Variants in IPO5 observed in about 807,000 individuals in gnomAD.
IPO5 encodes importin-5.
IPO5 carries 18 observed loss-of-function variants against 143.3 expected under a neutral mutation model. The observed-to-expected ratio is 0.13, with a 90% CI of 0.09 to 0.19. The LOEUF is 0.19. Among genes scored for constraint, IPO5 ranks in the 10% least tolerant of loss-of-function variants. The pLI is 1.00. For synonymous variants in IPO5, 477 were observed against 465.7 expected, an observed-to-expected ratio of 1.02 and a Z score of -0.31; for missense variants, 1,013 against 1,336.9, an observed-to-expected ratio of 0.76 and a Z score of 3.78.
chr13:97,968,201 T>C (rs1885515879), intron 2 of IPO5, among the ~76,000 whole-genome samples: 1 of 152,248 alleles, frequency 6.6e-6, no homozygotes, highest in Non-Finnish European at 1.5e-5. Context: ...CAAATTTCCT[T>C]TTGTTCTTGA....
At chr13:97,985,980 G>C (rs1887308202) in intron 6 of IPO5, among the ~76,000 whole-genome samples, 1 of 152,088 alleles carries the variant, frequency 6.6e-6, no homozygotes, top group African/African-American at 2.4e-5. Flanking sequence ...TGGGCGTGAT[G>C]GTGTGCACCT....
At chr13:97,958,918 C>A (rs982312193) in intron 2 of IPO5, among the ~76,000 whole-genome samples, 8 of 151,622 alleles carry the variant, frequency 5.3e-5, no homozygotes, top group Admixed American at 3.9e-4. Context: ...ACACCTGTAA[C>A]CCCAGCACTT....
chr13:97,976,106 G>C, intron 3 of IPO5: 1 of 309,484 alleles, frequency 3.2e-6, no homozygotes, highest in African/African-American at 2.3e-5. Context: ...CGGCCACGGG[G>C]AGGGGCCGGG....
chr13:97,983,097 C>T (rs1316917579), intron 5 of IPO5, among the ~76,000 whole-genome samples: 1 of 152,214 alleles, frequency 6.6e-6, no homozygotes, highest in Admixed American at 6.5e-5. Flanking sequence ...TCTCGAACTC[C>T]TGACCTCAAG....
intron 3 of IPO5, among the ~76,000 whole-genome samples, chr13:97,974,275 T>C (rs1429612723): frequency 1.5e-4 from 23 of 151,948 alleles, no homozygotes; most frequent in Admixed American, 1.5e-3. Context: ...ACTGTTAACC[T>C]AGTCATTTGA....
At chr13:97,954,008 C>A in intron 1 of IPO5, 111 bp from the exon 2 acceptor site, 1 of 416,184 alleles carries the variant, frequency 2.4e-6, no homozygotes, top group Non-Finnish European at 4.9e-6. Flanking sequence ...AACTCTGTAT[C>A]CTTAAGGAGG....
chr13:97,970,127 T>C (rs1885695598), intron 3 of IPO5, among the ~76,000 whole-genome samples: 1 of 152,152 alleles, frequency 6.6e-6, no homozygotes, highest in African/African-American at 2.4e-5. Flanking sequence ...ACAAATCACA[T>C]ATGCAATTTT....
At position 98,002,725 on chromosome 13, in the gene IPO5, G is replaced by A; in HGVS notation, c.1275G>A (p.Gln425=). 1 of 1,612,606 alleles carries A rather than the reference G, an allele frequency of 6.2e-7. No homozygotes were observed. Among genetic ancestry groups the A allele is most frequent in the Non-Finnish European group, 8.5e-7 (1 of 1,179,440 alleles). Residue 425 remains glutamine, a synonymous_variant, in exon 15 of 29, where the codon CAG becomes CAA. Coordinates refer to ENST00000651721, the MANE Select transcript of IPO5 (RefSeq NM_002271.6). ...ATGCAGCCTGTAATGCCGTGGGACA[G>A]ATGGCTACAGATTTTGCACCTGGTT... The part of the protein sequence containing the change: ...VRYAACNAVG[Q]MATDFAPGFQ...
At chr13:97,971,893 T>C (rs1426554400) in intron 3 of IPO5, among the ~76,000 whole-genome samples, 2 of 152,212 alleles carry the variant, frequency 1.3e-5, no homozygotes, top group African/African-American at 2.4e-5. Flanking sequence ...GCAGACACCA[T>C]ACTATGTGAA....
intron 3 of IPO5, 89 bp from the exon 4 acceptor site, chr13:97,976,604 C>G (rs2139599333): frequency 2.9e-6 from 1 of 348,428 alleles, no homozygotes; most frequent in East Asian, 1.1e-4. Context: ...GTGCCGGTCC[C>G]CGCGCTGGGC....
intron 4 of IPO5, among the ~76,000 whole-genome samples, chr13:97,980,890 A>G (rs1198768074): frequency 2.0e-5 from 3 of 151,936 alleles, no homozygotes; most frequent in Admixed American, 6.6e-5. Context: ...TTAAGTGTTA[A>G]ACATTGATCA....
At chr13:97,960,667 T>G (rs898098649) in intron 2 of IPO5, among the ~76,000 whole-genome samples, 2 of 151,706 alleles carry the variant, frequency 1.3e-5, no homozygotes, top group Non-Finnish European at 2.9e-5. Flanking sequence ...CAAGCAATTC[T>G]CCTGCCTCAG....
rs1230182883 is a variant in IPO5 at position 98,022,778 on chromosome 13, T to C, written c.*956T>C. On this transcript the variant is annotated 3_prime_UTR_variant, in exon 29 of 29. Transcript: ENST00000651721. Reference sequence around the variant, plus strand: ...ATCAGCTCAAAAAGATTTGGCTTAGTGTTTTCATTGCAAATTATAATTGCT... The same window carrying C: ...ATCAGCTCAAAAAGATTTGGCTTAGCGTTTTCATTGCAAATTATAATTGCT... The C allele has an allele frequency of 1.3e-5, 2 of 152,410 alleles. No homozygotes were observed. Among genetic ancestry groups the C allele is most frequent in the African/African-American group, 4.8e-5 (2 of 41,456 alleles). The allele number at this position is 152,410 out of a possible 1,614,324, so 9.4% of individuals were successfully genotyped here.
intron 3 of IPO5, among the ~76,000 whole-genome samples, chr13:97,973,761 C>T (rs1237405720): frequency 6.6e-6 from 1 of 152,204 alleles, no homozygotes; most frequent in Admixed American, 6.5e-5. Context: ...TAGGTTTACG[C>T]TTTGCCTCGT....
rs377672331 is a variant in IPO5 at position 97,973,187 on chromosome 13, C to T, written c.-5+3357C>T. Among the ~76,000 whole-genome samples the T allele has an allele frequency of 6.1e-3, 919 of 151,900 alleles. 11 individuals are homozygous for T. Among genetic ancestry groups the T allele is most frequent in the African/African-American group, 0.021 (868 of 41,422 alleles). ...CCTCCAGAGTAGCTGGGATTACAGGCATGCGCCACCATACCCAGCTGATTT... is the reference window on the plus strand; with the variant it reads ...CCTCCAGAGTAGCTGGGATTACAGGTATGCGCCACCATACCCAGCTGATTT... On this transcript the variant is annotated intron_variant, in intron 3 of 28. Transcript: ENST00000651721.
At chr13:98,002,245 GACC>G (rs1888862777) in intron 13 of IPO5, 1 of 320,804 alleles carries the variant, frequency 3.1e-6, no homozygotes, top group Admixed American at 4.6e-5. Flanking sequence ...TCGATCTCCT[GACC>G]TTGTGATCCG....
chr13:98,009,383 A>G (rs1221009585), intron 18 of IPO5, among the ~76,000 whole-genome samples: 1 of 152,140 alleles, frequency 6.6e-6, no homozygotes, highest in Non-Finnish European at 1.5e-5. Flanking sequence ...TTTTAAATAT[A>G]CTCAGCCACT....
At chr13:97,959,549 G>A (rs1270315688) in intron 2 of IPO5, among the ~76,000 whole-genome samples, 2 of 152,028 alleles carry the variant, frequency 1.3e-5, no homozygotes, top group Non-Finnish European at 2.9e-5. Flanking sequence ...CCAACATGGT[G>A]AAACCCCGTC....
rs1404729718 is a variant in IPO5 at position 98,000,623 on chromosome 13, C to T, written c.1086C>T (p.His362=). The change falls in exon 13 of 29, where the codon CAC becomes CAT. Residue 362 remains histidine (H), a synonymous_variant. Transcript: ENST00000651721. ...GKLVLPMIKE[H]IMQMLQNPDW... ...TCGTTCTGCCGATGATCAAGGAACACATTATGCAAATGCTTCAAAATCGTA... is the reference window on the plus strand; with the variant it reads ...TCGTTCTGCCGATGATCAAGGAACATATTATGCAAATGCTTCAAAATCGTA... 1 of 1,613,626 alleles carries T rather than the reference C, an allele frequency of 6.2e-7. No individual in the cohort carries two copies.
Sources: allele counts gnomAD v4.1 joint callset (sites outside exome capture counted in the v4.1 genomes callset), GRCh38; gene constraint gnomAD v4.1.1; transcripts MANE v1.5; gene names NCBI Gene and HGNC (gene_info 2026-07-23, HGNC 2026-07-21).